Variants in OR52D1 observed in about 807,000 individuals in gnomAD.
The protein encoded by OR52D1 is olfactory receptor 52D1.
For missense variants in OR52D1, 423 were observed against 390.0 expected (o/e 1.08, Z -0.71); for synonymous variants, 175 against 149.0 (o/e 1.17, Z -1.27).
At position 5,489,736 on chromosome 11, in the gene OR52D1, G is replaced by GT; in HGVS notation, c.*74dup. 1 of 999,518 alleles carries GT rather than the reference G, an allele frequency of 1.0e-6. No homozygotes were observed. Among genetic ancestry groups the GT allele is most frequent in the Non-Finnish European group, 1.5e-6 (1 of 651,700 alleles). 61.9% of individuals were successfully genotyped at this position (999,518 alleles called of 1,614,324 possible). ...CTAGATACATTTACATGGACACACA[G>GT]TGATGATGTGAAAGGAATGGTATGA... On this transcript the variant is annotated 3_prime_UTR_variant, in exon 1 of 1. Transcript: ENST00000322641.
At position 5,488,687 on chromosome 11, in the gene OR52D1, C is replaced by T; in HGVS notation, c.-20C>T. The T allele has an allele frequency of 6.6e-7, 1 of 1,514,164 alleles. No homozygotes were observed. The highest frequency in any genetic ancestry group is 2.3e-5 in the East Asian group (1 of 44,428). 93.8% of individuals were successfully genotyped at this position (1,514,164 alleles called of 1,614,324 possible). ...GCATAACAATACTATTCAGAAAGAG[C>T]CCTTCATTTGCCAGGAAGAATGTCA... On this transcript the variant is annotated 5_prime_UTR_variant, in exon 1 of 1. Coordinates refer to ENST00000322641, the MANE Select transcript of OR52D1 (RefSeq NM_001005163.2).
rs770416907 is a variant in OR52D1 at position 5,489,518 on chromosome 11, A to C, written c.812A>C (p.Glu271Ala). Reference protein sequence around the residue: ...SFLTHRFGHHEVPKHVHIFLA... With the variant: ...SFLTHRFGHHAVPKHVHIFLA... ...CTCACCCACCGCTTTGGTCACCACG[A>C]AGTCCCCAAGCATGTGCACATCTTT... Residue 271 changes from glutamate to alanine, a missense_variant, in exon 1 of 1, where the codon GAA becomes GCA. Glu to Ala is a moderately radical substitution (Grantham distance 107). Transcript: ENST00000322641. 4.3e-6 allele frequency: 7 copies of C among 1,613,858 alleles called. No homozygotes were observed. In the African/African-American group the frequency reaches 6.7e-5, roughly 15 times the overall value.
At position 5,489,050 on chromosome 11, in the gene OR52D1, C is replaced by T. The variant is rs145837350; in HGVS notation, c.344C>T (p.Ser115Phe). ...FCVHSIYALE[S>F]SILLAMAFDR... ...GTCCATTCTATCTATGCTCTGGAGT[C>T]CTCAATTCTACTTGCCATGGCCTTT... The change falls in exon 1 of 1, where the codon TCC (serine) becomes TTC (phenylalanine). Residue 115 changes from serine to phenylalanine, a missense_variant. Coordinates refer to ENST00000322641, the MANE Select transcript of OR52D1 (RefSeq NM_001005163.2). The T allele has an allele frequency of 4.3e-6, 7 of 1,613,990 alleles. No homozygotes were observed. The African/African-American group carries it at 8.0e-5, about 18-fold the overall frequency.
rs1851532625 is a variant in OR52D1, at chr11:5,488,766, C to T, written c.60C>T (p.Ile20=). 3 of 1,613,978 alleles carry T rather than the reference C, an allele frequency of 1.9e-6. No homozygotes were observed. The highest frequency in any genetic ancestry group is 1.7e-4 in the Middle Eastern group (1 of 6,056). Residue 20 remains isoleucine (I), a synonymous_variant, in exon 1 of 1, where the codon ATC becomes ATT. Transcript: ENST00000322641. ...CAGACACCTTCTTCTTAACAGGGAT[C>T]CCAGGGCTGGAGGCTGCCCACTTCT... ...HLPDTFFLTG[I]PGLEAAHFWI...
Position 5,488,906 on chromosome 11 carries a change from G to A in OR52D1, c.200G>A (p.Cys67Tyr). The change falls in exon 1 of 1, where the codon TGC becomes TAC. Residue 67 changes from cysteine to tyrosine, a missense_variant. Coordinates refer to ENST00000322641, the MANE Select transcript of OR52D1 (RefSeq NM_001005163.2). ...ALHAPMYLFL[C>Y]LLSLTDLALS... ...CATGCACCTATGTACCTCTTCCTCT[G>A]CCTTCTCTCACTCACAGACCTGGCT... 1 of 1,613,986 alleles carries A rather than the reference G, an allele frequency of 6.2e-7. No homozygotes were observed.
Position 5,489,106 on chromosome 11 carries a change from A to C in OR52D1, c.400A>C (p.Arg134=). 1 of 1,613,992 alleles carries C rather than the reference A, an allele frequency of 6.2e-7. No homozygotes were observed. The change falls in exon 1 of 1, where the codon AGG becomes CGG. Residue 134 remains arginine, a synonymous_variant. Transcript: ENST00000322641. ...GTATGTGGCTATCTGTAACCCATTA[A>C]GGTACACAACCATTCTCAACCATGC... is the stretch of plus-strand genomic sequence containing the variant. ...DRYVAICNPL[R]YTTILNHAVI...
In OR52D1 at chr11:5,489,330, G is replaced by A. The variant is rs1439687366; in HGVS notation, c.624G>A (p.Leu208=). The change falls in exon 1 of 1, where the codon CTG becomes CTA. Residue 208 remains leucine (L), a synonymous_variant. Transcript: ENST00000322641. Reference sequence around the variant, plus strand: ...TCTATGGGCTAACTGTGGCTCTGCTGGCCATGGGACTGGATTCCATTCTCA... The same window carrying A: ...TCTATGGGCTAACTGTGGCTCTGCTAGCCATGGGACTGGATTCCATTCTCA... ...NIVYGLTVAL[L]AMGLDSILIA... 6.2e-7 allele frequency: 1 copy of A among 1,614,042 alleles called. No homozygotes were observed. The highest frequency in any genetic ancestry group is 2.2e-5 in the East Asian group (1 of 44,876).
chr11:5,489,294 T>C lies in OR52D1; in HGVS notation c.588T>C (p.Thr196=). The C allele has an allele frequency of 6.2e-7, 1 of 1,612,358 alleles. No homozygotes were observed. Among genetic ancestry groups the C allele is most frequent in the South Asian group, 1.1e-5 (1 of 91,036 alleles). The change falls in exon 1 of 1, where the codon ACT becomes ACC. Residue 196 remains threonine, a synonymous_variant. Transcript: ENST00000322641. ...CCCGACTGGCCTGTGCCAACATCAC[T>C]GTCAATATTGTCTATGGGCTAACTG... is the stretch of plus-strand genomic sequence containing the variant. The part of the protein sequence containing the change: ...GIARLACANI[T]VNIVYGLTVA...
At position 5,489,587 on chromosome 11, in the gene OR52D1, T is replaced by C; in HGVS notation, c.881T>C (p.Ile294Thr). 6.2e-7 allele frequency: 1 copy of C among 1,614,038 alleles called. No individual in the cohort carries two copies. The highest frequency in any genetic ancestry group is 8.5e-7 in the Non-Finnish European group (1 of 1,179,974). The change falls in exon 1 of 1, where the codon ATT (isoleucine) becomes ACT (threonine). Residue 294 changes from isoleucine (I) to threonine (T), a missense_variant. Coordinates refer to ENST00000322641, the MANE Select transcript of OR52D1 (RefSeq NM_001005163.2). ...CTGGTGCCTCCTGTACTCAATCCTA[T>C]TCTCTATGGAGCTAGAACCAAGGAG... The part of the protein sequence containing the change: ...YVLVPPVLNP[I>T]LYGARTKEIR...
rs560801681 is a variant in OR52D1, at chr11:5,489,522, C to A, written c.816C>A (p.Val272=). The change falls in exon 1 of 1, where the codon GTC becomes GTA. Residue 272 remains valine, a synonymous_variant. Transcript: ENST00000322641. The part of the protein sequence containing the change: ...FLTHRFGHHE[V]PKHVHIFLAN... Reference sequence around the variant, plus strand: ...CCCACCGCTTTGGTCACCACGAAGTCCCCAAGCATGTGCACATCTTTCTGG... The same window carrying A: ...CCCACCGCTTTGGTCACCACGAAGTACCCAAGCATGTGCACATCTTTCTGG... The A allele has an allele frequency of 1.9e-6, 3 of 1,614,066 alleles. No individual in the cohort carries two copies. The highest frequency in any genetic ancestry group is 2.7e-5 in the African/African-American group (2 of 75,024).
rs752111440 is a variant in OR52D1 at position 5,489,186 on chromosome 11, C to T, written c.480C>T (p.Ser160=). ...TATTCCGTAGTGTGGCTATTGTCTC[C>T]CCCTTCATCTTCTTGCTGAGGCGAC... ...VGLFRSVAIV[S]PFIFLLRRLP... Residue 160 remains serine (S), a synonymous_variant, in exon 1 of 1, where the codon TCC becomes TCT. Coordinates refer to ENST00000322641, the MANE Select transcript of OR52D1 (RefSeq NM_001005163.2). 1.9e-6 allele frequency: 3 copies of T among 1,612,182 alleles called. No individual in the cohort carries two copies. The highest frequency in any genetic ancestry group is 1.7e-5 in the Admixed American group (1 of 59,748).
rs751643292 is a variant in OR52D1 at position 5,489,032 on chromosome 11, C to G, written c.326C>G (p.Ser109Cys). Residue 109 changes from serine (S) to cysteine (C), a missense_variant, in exon 1 of 1, where the codon TCT becomes TGT. Transcript: ENST00000322641. The part of the protein sequence containing the change: ...GCLAQMFCVH[S>C]IYALESSILL... The stretch of plus-strand genomic sequence containing the variant: ...CTGGCCCAGATGTTTTGTGTCCATT[C>G]TATCTATGCTCTGGAGTCCTCAATT... The G allele has an allele frequency of 1.9e-6, 3 of 1,614,064 alleles. No individual in the cohort carries two copies. Among genetic ancestry groups the G allele is most frequent in the Non-Finnish European group, 2.5e-6 (3 of 1,179,982 alleles).
rs768585133 is a variant in OR52D1, at chr11:5,489,271, C to T, written c.565C>T (p.Arg189Ter). ...ATACTGTGAGCATATGGGCATTGCCCGACTGGCCTGTGCCAACATCACTGT... is the reference window on the plus strand; with the variant it reads ...ATACTGTGAGCATATGGGCATTGCCTGACTGGCCTGTGCCAACATCACTGT... ...HTYCEHMGIA[R>*]LACANITVNI... Residue 189 changes from arginine (R) to a stop codon, truncating the protein, a stop_gained, in exon 1 of 1, where the codon CGA becomes TGA. Transcript: ENST00000322641. LOFTEE classifies it low-confidence loss of function (END_TRUNC). 23 of 1,613,888 alleles carry T rather than the reference C, an allele frequency of 1.4e-5. No homozygotes were observed. The highest frequency in any genetic ancestry group is 1.6e-4 in the Middle Eastern group (1 of 6,082).
In OR52D1 at chr11:5,489,141, C is replaced by T. The variant is rs1200471381; in HGVS notation, c.435C>T (p.Gly145=). Residue 145 remains glycine, a synonymous_variant, in exon 1 of 1, where the codon GGC becomes GGT. Transcript: ENST00000322641. ...CCATTCTCAACCATGCTGTCATAGG[C>T]AGAATTGGCTTTGTTGGGCTATTCC... is the stretch of plus-strand genomic sequence containing the variant. ...YTTILNHAVI[G]RIGFVGLFRS... 1 of 1,613,956 alleles carries T rather than the reference C, an allele frequency of 6.2e-7. No homozygotes were observed. Among genetic ancestry groups the T allele is most frequent in the Non-Finnish European group, 8.5e-7 (1 of 1,179,934 alleles).
At position 5,488,743 on chromosome 11, in the gene OR52D1, G is replaced by T; in HGVS notation, c.37G>T (p.Asp13Tyr). ...DSNLSDNHLP[D>Y]TFFLTGIPGL... is the part of the protein sequence containing the mutation. ...CAACCTCAGTGATAACCATCTTCCA[G>T]ACACCTTCTTCTTAACAGGGATCCC... Residue 13 changes from aspartate to tyrosine, a missense_variant, in exon 1 of 1, where the codon GAC becomes TAC. Asp to Tyr is a radical substitution (Grantham distance 160). Coordinates refer to ENST00000322641, the MANE Select transcript of OR52D1 (RefSeq NM_001005163.2). 6.2e-7 allele frequency: 1 copy of T among 1,613,840 alleles called. No homozygotes were observed. The highest frequency in any genetic ancestry group is 8.5e-7 in the Non-Finnish European group (1 of 1,179,878).
chr11:5,489,711 C>A lies in OR52D1; in HGVS notation c.*48C>A. 1 of 1,246,150 alleles carries A rather than the reference C, an allele frequency of 8.0e-7. No individual in the cohort carries two copies. Among genetic ancestry groups the A allele is most frequent in the Non-Finnish European group, 1.2e-6 (1 of 861,956 alleles). 77.2% of individuals were successfully genotyped at this position (1,246,150 alleles called of 1,614,324 possible). Reference sequence around the variant, plus strand: ...TTAAAAAAAAGTGTAGGATGGCTGTCTAGATACATTTACATGGACACACAG... The same window carrying A: ...TTAAAAAAAAGTGTAGGATGGCTGTATAGATACATTTACATGGACACACAG... On this transcript the variant is annotated 3_prime_UTR_variant, in exon 1 of 1. Coordinates refer to ENST00000322641, the MANE Select transcript of OR52D1 (RefSeq NM_001005163.2).
Position 5,489,698 on chromosome 11 carries a change from G to A in OR52D1, c.*35G>A, listed in dbSNP as rs392296. 0.97 allele frequency: 1,377,275 copies of A among 1,423,332 alleles called. 666,645 individuals are homozygous for A. The highest frequency in any genetic ancestry group is 0.99 in the South Asian group (82,678 of 83,794). 88.2% of individuals were successfully genotyped at this position (1,423,332 alleles called of 1,614,324 possible). Reference sequence around the variant, plus strand: ...AGAAGTTGGAGATTTAAAAAAAAGTGTAGGATGGCTGTCTAGATACATTTA... The same window carrying A: ...AGAAGTTGGAGATTTAAAAAAAAGTATAGGATGGCTGTCTAGATACATTTA... On this transcript the variant is annotated 3_prime_UTR_variant, in exon 1 of 1. Coordinates refer to ENST00000322641, the MANE Select transcript of OR52D1 (RefSeq NM_001005163.2).
In OR52D1 at chr11:5,488,928, G is replaced by C; in HGVS notation, c.222G>C (p.Leu74=). ...TCTGCCTTCTCTCACTCACAGACCT[G>C]GCTCTCAGTTCTACCACTGTGCCCA... ...LFLCLLSLTD[L]ALSSTTVPKM... is the part of the protein sequence containing the mutation. The change falls in exon 1 of 1, where the codon CTG becomes CTC. Residue 74 remains leucine, a synonymous_variant. Coordinates refer to ENST00000322641, the MANE Select transcript of OR52D1 (RefSeq NM_001005163.2). The C allele has an allele frequency of 6.2e-7, 1 of 1,613,982 alleles. No individual in the cohort carries two copies. The highest frequency in any genetic ancestry group is 8.5e-7 in the Non-Finnish European group (1 of 1,179,976).
Position 5,489,152 on chromosome 11 carries a change from T to C in OR52D1, c.446T>C (p.Phe149Ser). Residue 149 changes from phenylalanine to serine, a missense_variant, in exon 1 of 1, where the codon TTT becomes TCT. Physicochemically the swap from Phe to Ser is radical, Grantham distance 155 (BLOSUM62 -2). Transcript: ENST00000322641. ...CATGCTGTCATAGGCAGAATTGGCT[T>C]TGTTGGGCTATTCCGTAGTGTGGCT... is the stretch of plus-strand genomic sequence containing the variant. ...LNHAVIGRIG[F>S]VGLFRSVAIV... 6.2e-7 allele frequency: 1 copy of C among 1,613,996 alleles called. No homozygotes were observed. The highest frequency in any genetic ancestry group is 8.5e-7 in the Non-Finnish European group (1 of 1,179,980).
Sources: gnomAD v4.1 joint callset for allele counts on GRCh38, gnomAD v4.1.1 for gene constraint, MANE v1.5 for transcripts, NCBI Gene and HGNC (gene_info 2026-07-23, HGNC 2026-07-21) for gene names.